GUCY2F: variants seen among roughly 807,000 people sequenced by gnomAD.
The protein encoded by GUCY2F is retinal guanylyl cyclase 2.
Under a neutral mutation model 73.1 loss-of-function variants are expected in GUCY2F, and 61 were observed. The ratio of observed to expected loss-of-function variants is 0.83; its 90% CI spans 0.68 to 1.03. GUCY2F has a LOEUF of 1.03. GUCY2F is among the 50% of genes least tolerant of loss of function. The pLI is 0.00. For synonymous variants in GUCY2F, 331 were observed against 307.8 expected (o/e 1.08, Z -0.79); for missense variants, 912 against 854.3 (o/e 1.07, Z -0.84).
intron 10 of GUCY2F, among the ~76,000 whole-genome samples, chrX:109,401,375 T>C (rs1930835932): frequency 9.0e-6 from 1 of 111,527 alleles, no homozygotes; most frequent in Non-Finnish European, 1.9e-5. Flanking sequence ...GAGACCCGGG[T>C]TCAAAATCTT....
intron 9 of GUCY2F, among the ~76,000 whole-genome samples, chrX:109,404,842 T>C (rs2147259378): frequency 8.9e-6 from 1 of 112,385 alleles, no homozygotes; most frequent in South Asian, 3.7e-4. Context: ...TTGGCAAGAA[T>C]GGAAACTGGG....
chrX:109,433,315 C>T (rs762676725), intron 7 of GUCY2F, among the ~76,000 whole-genome samples: 2 of 111,639 alleles, frequency 1.8e-5, no homozygotes, highest in African/African-American at 3.3e-5. Context: ...TGGAAAGGGT[C>T]ATAGGTATCC....
rs767937406 is a variant in GUCY2F at position 109,374,622 on chromosome X, C to CAGAG, written c.*1+1272_*1+1275dup. ...TCAAGAACTTCCAAACACTTTCCTA[C>CAGAG]AGAGAGAGAGAGAGAGAGAGAGAGG... On this transcript the variant is annotated intron_variant, in intron 19 of 19. Coordinates refer to ENST00000218006, the MANE Select transcript of GUCY2F (RefSeq NM_001522.3). 3.5e-3 allele frequency among the ~76,000 whole-genome samples: 371 copies of CAGAG among 106,184 alleles called. 1 individual carries two copies. The highest frequency in any genetic ancestry group is 7.7e-3 in the Admixed American group (76 of 9,909). 92.2% of individuals were successfully genotyped at this position (106,184 alleles called of 115,157 possible). A position where few individuals can be genotyped will look rare whatever the true frequency, so the allele number is the denominator to read the frequency against.
Position 109,461,301 on chromosome X carries a change from C to A in GUCY2F, c.1032+3841G>T, listed in dbSNP as rs368817557. On this transcript the variant is annotated intron_variant, in intron 3 of 19. Coordinates refer to ENST00000218006, the MANE Select transcript of GUCY2F (RefSeq NM_001522.3). ...CTTCTGATGAAGGGAAGAAAGGAGG[C>A]CTTATAGACTGCTTTGTTATTGATA... is the stretch of plus-strand genomic sequence containing the variant. Among the ~76,000 whole-genome samples, 279 of 111,769 alleles carry A rather than the reference C, an allele frequency of 2.5e-3. 1 individual carries two copies. The highest frequency in any genetic ancestry group is 8.5e-3 in the African/African-American group (262 of 30,867).
chrX:109,435,797 G>A (rs1348168868), intron 7 of GUCY2F, among the ~76,000 whole-genome samples: 1 of 111,515 alleles, frequency 9.0e-6, no homozygotes, highest in Non-Finnish European at 1.9e-5. Flanking sequence ...TTTGAGATAC[G>A]TCCCATCAAT....
At chrX:109,474,246 A>G (rs1052354609) in intron 2 of GUCY2F, among the ~76,000 whole-genome samples, 1 of 112,280 alleles carries the variant, frequency 8.9e-6, no homozygotes, top group African/African-American at 3.2e-5. Context: ...TCAGTTTGTC[A>G]AATAGTTTCT....
chrX:109,446,278 A>G (rs763044278), intron 6 of GUCY2F, among the ~76,000 whole-genome samples: 1 of 112,074 alleles, frequency 8.9e-6, no homozygotes, highest in South Asian at 3.7e-4. Flanking sequence ...AAACTACTTT[A>G]AAGTTCATAT....
intron 8 of GUCY2F, among the ~76,000 whole-genome samples, chrX:109,426,230 T>A (rs1194590285): frequency 8.1e-5 from 9 of 111,701 alleles, no homozygotes; most frequent in Non-Finnish European, 1.7e-4. Flanking sequence ...AGACTCTGAA[T>A]TGGACAATAA....
intron 8 of GUCY2F, among the ~76,000 whole-genome samples, chrX:109,415,837 A>C (rs1931225660): frequency 8.9e-6 from 1 of 112,286 alleles, no homozygotes; most frequent in African/African-American, 3.2e-5. Flanking sequence ...ATTTACATAA[A>C]ATATCTAGCA....
At chrX:109,476,097 GCA>G (rs1932690140) in intron 1 of GUCY2F, 76 bp from the exon 2 acceptor site, 1 of 306,060 alleles carries the variant, frequency 3.3e-6, no homozygotes. Flanking sequence ...TGAAAGAATG[GCA>G]AAAAAAAAAA....
At chrX:109,439,452 T>G (rs1931822766) in intron 7 of GUCY2F, among the ~76,000 whole-genome samples, 2 of 111,616 alleles carry the variant, frequency 1.8e-5, no homozygotes, top group Non-Finnish European at 3.8e-5. Flanking sequence ...TTTGTCACAC[T>G]CTTGGTTTTC....
chrX:109,471,298 C>G (rs1003980252), intron 2 of GUCY2F, among the ~76,000 whole-genome samples: 2 of 112,194 alleles, frequency 1.8e-5, no homozygotes, highest in African/African-American at 3.2e-5. Context: ...AAGCACAGGG[C>G]TGATCAGCAA....
At chrX:109,398,971 C>A (rs997856097) in intron 10 of GUCY2F, among the ~76,000 whole-genome samples, 1 of 112,033 alleles carries the variant, frequency 8.9e-6, no homozygotes. Context: ...TATAGAAATT[C>A]TCTGGTGCTT....
Position 109,381,251 on chromosome X carries a change from C to A in GUCY2F, c.3150+867G>T, listed in dbSNP as rs1344299637. On this transcript the variant is annotated intron_variant, in intron 17 of 19. Transcript: ENST00000218006. The stretch of plus-strand genomic sequence containing the variant: ...CACTTAGTGCCCTGCTCTTGCTTTG[C>A]CCAAAAATAGTCACTGAGAAAATCA... Among the ~76,000 whole-genome samples the A allele has an allele frequency of 2.7e-5, 3 of 112,079 alleles. No individual in the cohort carries two copies. In the East Asian group the frequency reaches 8.4e-4, roughly 31 times the overall value.
At chrX:109,434,488 G>T (rs6642679) in intron 7 of GUCY2F, among the ~76,000 whole-genome samples, 6,295 of 109,202 alleles carry the variant, frequency 0.058, 428 homozygotes, top group African/African-American at 0.19. Flanking sequence ...TGCTATATCT[G>T]CTACTCCGGG....
At chrX:109,373,474 G>A (rs924481885) in intron 19 of GUCY2F, among the ~76,000 whole-genome samples, 1 of 111,589 alleles carries the variant, frequency 9.0e-6, no homozygotes, top group African/African-American at 3.3e-5. Flanking sequence ...CATTCGTTGA[G>A]TCCAATAAAG....
intron 10 of GUCY2F, among the ~76,000 whole-genome samples, chrX:109,399,820 A>G (rs1460163667): frequency 9.0e-6 from 1 of 110,730 alleles, no homozygotes; most frequent in African/African-American, 3.3e-5. Flanking sequence ...CTCCCTAGAA[A>G]GAACAGCATG....
At chrX:109,433,624 C>A (rs1488977948) in intron 7 of GUCY2F, among the ~76,000 whole-genome samples, 1 of 112,154 alleles carries the variant, frequency 8.9e-6, no homozygotes, top group South Asian at 3.7e-4. Context: ...TTTATCTTCA[C>A]CACACATGCA....
At chrX:109,445,715 A>G (rs1472428267) in intron 6 of GUCY2F, among the ~76,000 whole-genome samples, 1 of 111,717 alleles carries the variant, frequency 9.0e-6, no homozygotes, top group East Asian at 2.8e-4. Context: ...AACGGGCACA[A>G]GACAGGGATG....
Sources: gnomAD v4.1 joint callset for allele counts (sites outside exome capture counted in the v4.1 genomes callset) on GRCh38, gnomAD v4.1.1 for gene constraint, MANE v1.5 for transcripts, NCBI Gene and HGNC (gene_info 2026-07-23, HGNC 2026-07-21) for gene names.